The following DTD1 variants were observed in gnomAD, a reference collection of about 807,000 sequenced individuals.
The protein encoded by DTD1 is D-aminoacyl-tRNA deacylase 1.
Under a neutral mutation model 25.6 loss-of-function variants are expected in DTD1, and 13 were observed. The observed-to-expected ratio is 0.51, with a 90% CI of 0.33 to 0.81. DTD1 has a LOEUF of 0.81. Ranked by LOEUF, DTD1 falls within the 30% of genes least tolerant of loss-of-function variation. DTD1 has a pLI of 0.02. For missense variants in DTD1, 193 were observed against 266.4 expected (o/e 0.72, Z 1.92); for synonymous variants, 110 against 103.6 (o/e 1.06, Z -0.37).
intron 3 of DTD1, among the ~76,000 whole-genome samples, chr20:18,623,156 G>T (rs904863354): frequency 6.6e-6 from 1 of 151,804 alleles, no homozygotes; most frequent in Non-Finnish European, 1.5e-5. Flanking sequence ...AGCCAGGATG[G>T]TCTCGATCTC....
chr20:18,749,772 G>A lies in DTD1; in HGVS notation c.*19+5501G>A, dbSNP rs78102915. Among the ~76,000 whole-genome samples, 783 of 152,300 alleles carry A rather than the reference G, an allele frequency of 5.1e-3. 2 individuals are homozygous for A. Among genetic ancestry groups the A allele is most frequent in the Non-Finnish European group, 7.5e-3 (507 of 68,022 alleles). ...ACCACCCTGCCACAGAGGACACTGA[G>A]GACCCAGAGTACTGTTGACATTAAG... On this transcript the variant is annotated intron_variant, in intron 5 of 5. Coordinates refer to ENST00000377452, the MANE Select transcript of DTD1 (RefSeq NM_080820.6). The surrounding 1 kb of genome is among the most constrained non-coding windows in gnomAD (Gnocchi z 4.2).
chr20:18,701,434 T>C (rs2061104179), intron 4 of DTD1, among the ~76,000 whole-genome samples: 1 of 152,260 alleles, frequency 6.6e-6, no homozygotes, highest in Admixed American at 6.5e-5. Flanking sequence ...TGCCAGACCC[T>C]GGCCATATGT....
intron 4 of DTD1, among the ~76,000 whole-genome samples, chr20:18,661,238 G>A (rs1379206886): frequency 1.3e-5 from 2 of 152,086 alleles, no homozygotes; most frequent in Non-Finnish European, 2.9e-5. Context: ...TAGGACCTGT[G>A]CCTTTCTGTA....
chr20:18,706,835 A>G (rs1884169262), intron 4 of DTD1, among the ~76,000 whole-genome samples: 1 of 152,196 alleles, frequency 6.6e-6, no homozygotes, highest in Admixed American at 6.5e-5. Flanking sequence ...CTCTGAAAGG[A>G]AGTGCTGCCA....
rs1459503105 is a variant in DTD1, at chr20:18,765,790, C to T, written c.*2450C>T. The T allele has an allele frequency of 1.3e-5, 2 of 152,250 alleles. No homozygotes were observed. Among genetic ancestry groups the T allele is most frequent in the Non-Finnish European group, 2.9e-5 (2 of 68,048 alleles). 9.4% of individuals were successfully genotyped at this position (152,250 alleles called of 1,614,324 possible). A position where few individuals can be genotyped will look rare whatever the true frequency, so the allele number is the denominator to read the frequency against. ...CTCTCAGTCTTTACATCTCTCCCAACATCTCTGCCTCCTTCTTTCTGCTTA... is the reference window on the plus strand; with the variant it reads ...CTCTCAGTCTTTACATCTCTCCCAATATCTCTGCCTCCTTCTTTCTGCTTA... On this transcript the variant is annotated 3_prime_UTR_variant, in exon 6 of 6. Coordinates refer to ENST00000377452, the MANE Select transcript of DTD1 (RefSeq NM_080820.6).
At chr20:18,743,974 T>C (rs1203597853) in intron 4 of DTD1, 126 bp from the exon 5 acceptor site, 4 of 965,272 alleles carry the variant, frequency 4.1e-6, no homozygotes, top group Non-Finnish European at 6.0e-6. Flanking sequence ...TCTGAACCAC[T>C]GTGCTCTGCC....
chr20:18,656,500 C>T (rs1275518516), intron 4 of DTD1, among the ~76,000 whole-genome samples: 2 of 152,164 alleles, frequency 1.3e-5, no homozygotes, highest in African/African-American at 2.4e-5. Context: ...CTGGAGTCAC[C>T]TCACTGACTC....
At chr20:18,679,419 T>A (rs1057131703) in intron 4 of DTD1, among the ~76,000 whole-genome samples, 9 of 152,248 alleles carry the variant, frequency 5.9e-5, no homozygotes, top group African/African-American at 2.2e-4. Context: ...TTGCCACTAG[T>A]GTCTTTAATT....
intron 3 of DTD1, among the ~76,000 whole-genome samples, chr20:18,617,743 A>C (rs1416227534): frequency 6.6e-6 from 1 of 152,192 alleles, no homozygotes; most frequent in Non-Finnish European, 1.5e-5. Flanking sequence ...AAATGTGAGC[A>C]AATATGAATT....
At chr20:18,759,288 G>C (rs973663825) in intron 5 of DTD1, among the ~76,000 whole-genome samples, 1 of 152,118 alleles carries the variant, frequency 6.6e-6, no homozygotes, top group African/African-American at 2.4e-5. Flanking sequence ...TATGATGTTA[G>C]CTGGTTATTT....
chr20:18,742,632 TC>T (rs1309760519), intron 4 of DTD1, among the ~76,000 whole-genome samples: 2 of 152,146 alleles, frequency 1.3e-5, no homozygotes, highest in Non-Finnish European at 2.9e-5. Context: ...CCTGAAACCA[TC>T]CCCTCTTCTG....
At chr20:18,643,193 T>G (rs6132094) in intron 4 of DTD1, 123,675 of 240,516 alleles carry the variant, frequency 0.51, 32,565 homozygotes, top group Middle Eastern at 0.6. Flanking sequence ...GGGATTACAG[T>G]TGTGAGCCAC....
At chr20:18,667,127 G>A (rs954417087) in intron 4 of DTD1, among the ~76,000 whole-genome samples, 15 of 152,168 alleles carry the variant, frequency 9.9e-5, no homozygotes, top group African/African-American at 1.4e-4. Flanking sequence ...ACGTGGTGGG[G>A]ATGCCAAAGG....
intron 3 of DTD1, among the ~76,000 whole-genome samples, chr20:18,622,942 A>ATTTTTTTTTTTTTTTTTTTTTTTTTT (rs771564529): frequency 2.3e-5 from 3 of 129,756 alleles, no homozygotes; most frequent in African/African-American, 2.9e-5. Flanking sequence ...ATTTTATAGA[A>ATTTTTTTTTTTTTTTTTTTTTTTTTT]TTTTTTTTTT....
chr20:18,698,356 C>T (rs2061088279), intron 4 of DTD1: 1 of 152,184 alleles, frequency 6.6e-6, no homozygotes, highest in Non-Finnish European at 1.5e-5. Flanking sequence ...TTAACATCTT[C>T]TATTACTTTG....
intron 5 of DTD1, among the ~76,000 whole-genome samples, chr20:18,751,269 T>C (rs1158349336): frequency 6.6e-6 from 1 of 152,128 alleles, no homozygotes; most frequent in Non-Finnish European, 1.5e-5. Flanking sequence ...TGGGTAGTGT[T>C]TTTATCTTTT....
At chr20:18,588,759 A>G in intron 1 of DTD1, 1 of 984,456 alleles carries the variant, frequency 1.0e-6, no homozygotes, top group Non-Finnish European at 1.2e-6. Flanking sequence ...AGATGAAAAC[A>G]TTTCTCTTTT....
intron 4 of DTD1, among the ~76,000 whole-genome samples, chr20:18,720,855 C>T (rs1203167237): frequency 6.6e-6 from 1 of 152,044 alleles, no homozygotes; most frequent in Non-Finnish European, 1.5e-5. Context: ...GAAACCCTGT[C>T]TCAAAAAAAA....
intron 4 of DTD1, among the ~76,000 whole-genome samples, chr20:18,674,039 T>C (rs557718028): frequency 6.6e-6 from 1 of 152,340 alleles, no homozygotes; most frequent in East Asian, 1.9e-4. Flanking sequence ...TTTCCTGTAA[T>C]TACTTGCTAA....
Sources: allele counts gnomAD v4.1 joint callset (sites outside exome capture counted in the v4.1 genomes callset), GRCh38; gene constraint gnomAD v4.1.1; non-coding constraint Gnocchi (gnomAD v3.1); transcripts MANE v1.5; gene names NCBI Gene and HGNC (gene_info 2026-07-23, HGNC 2026-07-21).